The following ZNF527 variants were observed in gnomAD, a reference collection of about 807,000 sequenced individuals.
The protein encoded by ZNF527 is zinc finger protein 527.
A neutral mutation model predicts 13.5 loss-of-function variants in ZNF527; 5 were observed. The ratio of observed to expected loss-of-function variants is 0.37; its 90% confidence interval spans 0.19 to 0.78. The LOEUF (loss-of-function observed/expected upper bound fraction) is 0.78, where lower values mean the gene tolerates loss of function less well. ZNF527 is among the 30% of genes least tolerant of loss of function. The probability of loss-of-function intolerance (pLI) is 0.48; values close to 1 mark genes in which losing one functional copy is unlikely to be tolerated. For missense variants in ZNF527, 628 were observed against 726.4 expected (o/e 0.86, Z 1.56); for synonymous variants, 209 against 243.1 (o/e 0.86, Z 1.30).
intron 4 of ZNF527, among the ~76,000 whole-genome samples, chr19:37,380,770 C>G (rs2040647640): frequency 6.6e-6 from 1 of 152,042 alleles, no homozygotes; most frequent in South Asian, 2.1e-4. Context: ...ACCTTTGCAC[C>G]AAAAAGCCTA....
chr19:37,377,778 C>G (rs1186600346), intron 2 of ZNF527, among the ~76,000 whole-genome samples: 1 of 152,032 alleles, frequency 6.6e-6, no homozygotes, highest in Non-Finnish European at 1.5e-5. Flanking sequence ...GGACTCCCAC[C>G]CAGGGAGGGA....
At chr19:37,384,433 G>A (rs1208675221) in intron 4 of ZNF527, among the ~76,000 whole-genome samples, 1 of 152,130 alleles carries the variant, frequency 6.6e-6, no homozygotes, top group African/African-American at 2.4e-5. Context: ...CGGAGGTCAA[G>A]GCTGCAATGA....
chr19:37,389,008 A>C lies in ZNF527; in HGVS notation c.959A>C (p.His320Pro). 1 of 1,614,212 alleles carries C rather than the reference A, an allele frequency of 6.2e-7. No homozygotes were observed. Among genetic ancestry groups the C allele is most frequent in the Non-Finnish European group, 8.5e-7 (1 of 1,180,022 alleles). Residue 320 changes from histidine to proline, a missense_variant, in exon 5 of 5, where the codon CAT becomes CCT. Around this residue, in one of 3 missense-constraint regions of ZNF527, gnomAD observed 592 missense variants for 678.0 expected, o/e 0.87. Transcript: ENST00000436120. ...AGCCACGACTTCTTTCTCAGTGAAC[A>C]TCAAAGAACTCATATTGGGGAGAAA... Reference protein sequence around the residue: ...AFSHDFFLSEHQRTHIGEKPY... With the variant: ...AFSHDFFLSEPQRTHIGEKPY...
chr19:37,378,857 A>G (rs1433286643), intron 2 of ZNF527, among the ~76,000 whole-genome samples: 1 of 152,200 alleles, frequency 6.6e-6, no homozygotes, highest in East Asian at 1.9e-4. Context: ...TGTAACATAC[A>G]ACTTAGTCTT....
intron 2 of ZNF527, among the ~76,000 whole-genome samples, chr19:37,377,349 T>C (rs2040616661): frequency 6.6e-6 from 1 of 151,862 alleles, no homozygotes; most frequent in Non-Finnish European, 1.5e-5. Context: ...TACAGAAGGG[T>C]AAGTACATAT....
rs375966040 is a variant in ZNF527 at position 37,391,016 on chromosome 19, A to G, written c.*1137A>G. ...TTAGTTTTTTTCACATTATGGCTGAATATTTTAAAATTCACCAAGTAAAAT... is the reference window on the plus strand; with the variant it reads ...TTAGTTTTTTTCACATTATGGCTGAGTATTTTAAAATTCACCAAGTAAAAT... On this transcript the variant is annotated 3_prime_UTR_variant, in exon 5 of 5. Transcript: ENST00000436120. 1.0e-3 allele frequency: 153 copies of G among 152,328 alleles called. No homozygotes were observed. The highest frequency in any genetic ancestry group is 3.3e-3 in the African/African-American group (139 of 41,582). 9.4% of individuals were successfully genotyped at this position (152,328 alleles called of 1,614,324 possible).
At chr19:37,378,209 G>T (rs2040623652) in intron 2 of ZNF527, among the ~76,000 whole-genome samples, 1 of 151,898 alleles carries the variant, frequency 6.6e-6, no homozygotes, top group Admixed American at 6.6e-5. Context: ...TGTATTTTTA[G>T]TAGAGACGGA....
At position 37,390,034 on chromosome 19, in the gene ZNF527, C is replaced by CTT. The variant is rs33996770; in HGVS notation, c.*166_*167dup. On this transcript the variant is annotated 3_prime_UTR_variant, in exon 5 of 5. Transcript: ENST00000436120. ...GTAGCTCAGTAGTAGACATCTGTTA[C>CTT]TTTTTTTTTTTTCAGACAGAGTCTC... 114,074 of 745,692 alleles carry CTT rather than the reference C, an allele frequency of 0.15. 5,567 individuals carry two copies. Among genetic ancestry groups the CTT allele is most frequent in the African/African-American group, 0.33 (17,312 of 53,092 alleles). The allele number at this position is 745,692 out of a possible 1,614,324, so 46.2% of individuals were successfully genotyped here. A position where few individuals can be genotyped will look rare whatever the true frequency, so the allele number is the denominator to read the frequency against.
chr19:37,372,883 A>C (rs907090540), intron 1 of ZNF527, among the ~76,000 whole-genome samples: 1 of 152,158 alleles, frequency 6.6e-6, no homozygotes, highest in Admixed American at 6.5e-5. Context: ...TGTTTCCCTC[A>C]GGCTGCATTT....
chr19:37,380,285 A>C lies in ZNF527; in HGVS notation c.169A>C (p.Ile57Leu). 1 of 1,613,938 alleles carries C rather than the reference A, an allele frequency of 6.2e-7. No individual in the cohort carries two copies. The highest frequency in any genetic ancestry group is 8.5e-7 in the Non-Finnish European group (1 of 1,179,906). The change falls in exon 4 of 5, where the codon ATT becomes CTT. Residue 57 changes from isoleucine (I) to leucine (L), a missense_variant. Ile to Leu is a conservative substitution (Grantham distance 5, BLOSUM62 2). This residue lies in a region of ZNF527 where 592 missense variants were observed against 678.0 expected (regional missense o/e 0.87). Transcript: ENST00000436120. The part of the protein sequence containing the change: ...YRNLVWLGLS[I>L]SKPNMISLLE... Reference sequence around the variant, plus strand: ...TCTTCCCCTGTGAACAGGACTCTCCATTTCTAAGCCCAACATGATCTCCTT... The same window carrying C: ...TCTTCCCCTGTGAACAGGACTCTCCCTTTCTAAGCCCAACATGATCTCCTT...
At chr19:37,375,290 C>CTTTGT (rs375484749) in intron 2 of ZNF527, among the ~76,000 whole-genome samples, 2 of 112,350 alleles carry the variant, frequency 1.8e-5, no homozygotes, top group African/African-American at 3.9e-5. Context: ...TTCTTTCTTT[C>CTTTGT]TTTCTTTCTT....
chr19:37,388,851 C>G lies in ZNF527; in HGVS notation c.802C>G (p.His268Asp), dbSNP rs539905451. The G allele has an allele frequency of 5.6e-6, 9 of 1,614,160 alleles. No homozygotes were observed. The highest frequency in any genetic ancestry group is 7.6e-6 in the Non-Finnish European group (9 of 1,180,032). ...ATTATTTACTCAACATCAGACCACTCATTTTGGAAAATTACCCCATGGATA... is the reference window on the plus strand; with the variant it reads ...ATTATTTACTCAACATCAGACCACTGATTTTGGAAAATTACCCCATGGATA... ...HSLFTQHQTT[H>D]FGKLPHGYDE... The change falls in exon 5 of 5, where the codon CAT (histidine) becomes GAT (aspartate). Residue 268 changes from histidine (H) to aspartate (D), a missense_variant. His to Asp is a moderately conservative substitution (Grantham distance 81, BLOSUM62 -1). This residue lies in a region of ZNF527 where 592 missense variants were observed against 678.0 expected (regional missense o/e 0.87). Transcript: ENST00000436120.
In ZNF527 at chr19:37,379,372, C is replaced by T. The variant is rs2040633647; in HGVS notation, c.160+126C>T. 5.7e-6 allele frequency: 5 copies of T among 878,492 alleles called. No homozygotes were observed. In the South Asian group the frequency reaches 1.6e-4, roughly 29 times the overall value. 54.4% of individuals were successfully genotyped at this position (878,492 alleles called of 1,614,324 possible). On this transcript the variant is annotated intron_variant, in intron 3 of 4. Coordinates refer to ENST00000436120, the MANE Select transcript of ZNF527 (RefSeq NM_032453.2). Reference sequence around the variant, plus strand: ...CTTACTTGCCTTTCTACTTCCTGTTCCCAGGAAATGATTTGAAATATATAT... The same window carrying T: ...CTTACTTGCCTTTCTACTTCCTGTTTCCAGGAAATGATTTGAAATATATAT...
chr19:37,372,355 C>G (rs914724854), intron 1 of ZNF527, among the ~76,000 whole-genome samples: 1 of 151,560 alleles, frequency 6.6e-6, no homozygotes, highest in Admixed American at 6.6e-5. Flanking sequence ...CTGCTAGGGA[C>G]TGAGTTGCCT....
At chr19:37,382,327 AGAT>A (rs1315806981) in intron 4 of ZNF527, among the ~76,000 whole-genome samples, 3 of 152,154 alleles carry the variant, frequency 2.0e-5, no homozygotes, top group Admixed American at 1.3e-4. Flanking sequence ...ATAGATAGAT[AGAT>A]ATTTACACAC....
At chr19:37,388,148 T>C (rs1240984359) in intron 4 of ZNF527, among the ~76,000 whole-genome samples, 158 bp from the exon 5 acceptor site, 5 of 152,210 alleles carry the variant, frequency 3.3e-5, no homozygotes, top group Admixed American at 3.3e-4. Flanking sequence ...GCTTCCATTG[T>C]CTTTTGTTCA....
rs1443022821 is a variant in ZNF527, at chr19:37,392,691, C to G, written c.*2812C>G. On this transcript the variant is annotated 3_prime_UTR_variant, in exon 5 of 5. Coordinates refer to ENST00000436120, the MANE Select transcript of ZNF527 (RefSeq NM_032453.2). ...AGGGATGAGTCACTGTGCACAGCTA[C>G]TAATTGATTTTTGATCTATGTATGG... 2 of 152,102 alleles carry G rather than the reference C, an allele frequency of 1.3e-5. No homozygotes were observed. Among genetic ancestry groups the G allele is most frequent in the Non-Finnish European group, 2.9e-5 (2 of 68,010 alleles). The allele number at this position is 152,102 out of a possible 1,614,324, so 9.4% of individuals were successfully genotyped here. A position where few individuals can be genotyped will look rare whatever the true frequency, so the allele number is the denominator to read the frequency against.
In ZNF527 at chr19:37,388,785, TATGAAAGTCATG is replaced by T; in HGVS notation, c.739_750del (p.Glu247_Asp250del). ...AGGAATTCCTCCTGGGGAGAAACCT[TATGAAAGTCATG>T]ATTTTTCAAAGCTCTTAAGTTTCCA... On this transcript the variant is annotated inframe_deletion, in exon 5 of 5. Transcript: ENST00000436120. 6.2e-7 allele frequency: 1 copy of T among 1,613,156 alleles called. No individual in the cohort carries two copies. Among genetic ancestry groups the T allele is most frequent in the Non-Finnish European group, 8.5e-7 (1 of 1,179,844 alleles).
rs374342259 is a variant in ZNF527, at chr19:37,380,126, C to T, written c.161-151C>T. 3.7e-4 allele frequency: 511 copies of T among 1,388,490 alleles called. 2 individuals carry two copies. In the South Asian group the frequency reaches 3.8e-3, roughly 10 times the overall value. The allele number at this position is 1,388,490 out of a possible 1,614,324, so 86.0% of individuals were successfully genotyped here. A position where few individuals can be genotyped will look rare whatever the true frequency, so the allele number is the denominator to read the frequency against. The stretch of plus-strand genomic sequence containing the variant: ...TCATCCTCCTCCTCATCCATACAAG[C>T]GTCATTCCATTCTCTAGCTCTTCCT... On this transcript the variant is annotated intron_variant, in intron 3 of 4. Transcript: ENST00000436120.
Sources: gnomAD v4.1 joint callset for allele counts (sites outside exome capture counted in the v4.1 genomes callset) on GRCh38, gnomAD v4.1.1 for gene constraint, gnomAD v4.1.1 regional missense constraint, MANE v1.5 for transcripts, NCBI Gene and HGNC (gene_info 2026-07-23, HGNC 2026-07-21) for gene names.